Variants in HORMAD2 observed in about 807,000 individuals in gnomAD.
The protein encoded by HORMAD2 is HORMA domain containing 2.
Under a neutral mutation model 38.8 loss-of-function variants are expected in HORMAD2, and 45 were observed. The ratio of observed to expected loss-of-function variants is 1.16; its 90% CI spans 0.91 to 1.49. The LOEUF (loss-of-function observed/expected upper bound fraction) is 1.49. HORMAD2 is among the 40% of genes most tolerant of loss of function. HORMAD2 has a pLI of 0.00. For missense variants in HORMAD2, 338 were observed against 367.0 expected (o/e 0.92, Z 0.65); for synonymous variants, 126 against 122.8 (o/e 1.03, Z -0.17).
At chr22:30,183,057 C>T in the HORMAD2 span, among the ~76,000 whole-genome samples, 1 of 152,172 alleles carries the variant, frequency 6.6e-6, no homozygotes, top group South Asian at 2.1e-4. Context: ...TCTTTCCCTC[C>T]CTTTTAAACA....
intron 10 of HORMAD2, among the ~76,000 whole-genome samples, chr22:30,167,591 G>C (rs1423125655): frequency 6.6e-6 from 1 of 152,136 alleles, no homozygotes; most frequent in Non-Finnish European, 1.5e-5. Context: ...TAAGGTGACT[G>C]TTTTCCACCT....
chr22:30,130,543 G>GC (rs1569102923), intron 10 of HORMAD2, among the ~76,000 whole-genome samples: 1 of 148,560 alleles, frequency 6.7e-6, no homozygotes, highest in Non-Finnish European at 1.5e-5. Flanking sequence ...CATTTAATCT[G>GC]CCCCCCACAC....
chr22:30,188,014 G>A, the HORMAD2 span, among the ~76,000 whole-genome samples: 5 of 152,060 alleles, frequency 3.3e-5, no homozygotes, highest in Admixed American at 2.0e-4. Flanking sequence ...TGGCATGGCT[G>A]CTTTCTCTTT....
chr22:30,121,121 A>G (rs1451726332), intron 8 of HORMAD2, among the ~76,000 whole-genome samples: 1 of 152,226 alleles, frequency 6.6e-6, no homozygotes, highest in Non-Finnish European at 1.5e-5. Context: ...AAATAGTTAG[A>G]TAGCCACTGT....
chr22:30,122,898 T>A (rs556031620), intron 10 of HORMAD2, among the ~76,000 whole-genome samples: 3 of 152,276 alleles, frequency 2.0e-5, no homozygotes, highest in African/African-American at 7.2e-5. Flanking sequence ...TATGACAACA[T>A]TGTGTTAAAA....
At chr22:30,192,554 G>T in the HORMAD2 span, among the ~76,000 whole-genome samples, 1 of 152,050 alleles carries the variant, frequency 6.6e-6, no homozygotes, top group South Asian at 2.1e-4. Flanking sequence ...ACACTTATGC[G>T]AAAACAATAA....
At chr22:30,087,141 G>A (rs928802632) in intron 1 of HORMAD2, among the ~76,000 whole-genome samples, 8 of 152,276 alleles carry the variant, frequency 5.3e-5, no homozygotes, top group Non-Finnish European at 7.4e-5. Flanking sequence ...GATTACAGGC[G>A]TGAGCCACTG....
chr22:30,144,206 G>A lies in HORMAD2; in HGVS notation c.819+21992G>A, dbSNP rs574587531. ...TCCATTATTTTCATCAGTGTCCCAG[G>A]CATATATTACTCTACAGTTTAATCA... On this transcript the variant is annotated intron_variant, in intron 10 of 10. Transcript: ENST00000336726. Among the ~76,000 whole-genome samples, 3 of 152,230 alleles carry A rather than the reference G, an allele frequency of 2.0e-5. No homozygotes were observed. The South Asian group carries it at 6.2e-4, about 32-fold the overall frequency.
intron 1 of HORMAD2, among the ~76,000 whole-genome samples, chr22:30,091,394 T>C (rs550388578): frequency 9.2e-5 from 14 of 151,786 alleles, no homozygotes; most frequent in African/African-American, 3.4e-4. Context: ...GCTTCCCAAG[T>C]AGCTGGGACT....
At chr22:30,089,837 C>G (rs1452602762) in intron 1 of HORMAD2, among the ~76,000 whole-genome samples, 1 of 152,200 alleles carries the variant, frequency 6.6e-6, no homozygotes, top group African/African-American at 2.4e-5. Context: ...CTAAAACCTT[C>G]TCATCATCGT....
downstream of HORMAD2, among the ~76,000 whole-genome samples, chr22:30,180,501 G>A (rs751765457): frequency 2.0e-5 from 3 of 152,144 alleles, no homozygotes; most frequent in Non-Finnish European, 4.4e-5. Context: ...CTTTTAGCAA[G>A]GTAGTGAAGA....
At chr22:30,189,947 C>T in the HORMAD2 span, among the ~76,000 whole-genome samples, 5 of 152,220 alleles carry the variant, frequency 3.3e-5, no homozygotes, top group African/African-American at 1.2e-4. Flanking sequence ...ACCTTTTCTC[C>T]CACAATTAAA....
intron 10 of HORMAD2, among the ~76,000 whole-genome samples, chr22:30,149,629 G>A (rs892768196): frequency 3.3e-5 from 5 of 152,082 alleles, no homozygotes; most frequent in African/African-American, 4.8e-5. Flanking sequence ...ATTTCCTTTC[G>A]CCAACTTCCA....
At chr22:30,161,781 C>A in intron 10 of HORMAD2, among the ~76,000 whole-genome samples, 1 of 151,904 alleles carries the variant, frequency 6.6e-6, no homozygotes, top group Admixed American at 6.6e-5. Context: ...GATTTTTACA[C>A]TAACATTTTT....
At chr22:30,141,895 G>A (rs186173687) in intron 10 of HORMAD2, among the ~76,000 whole-genome samples, 9 of 152,124 alleles carry the variant, frequency 5.9e-5, no homozygotes, top group African/African-American at 1.2e-4. Flanking sequence ...GCGCCCAGCC[G>A]AACATACTTT....
the HORMAD2 span, among the ~76,000 whole-genome samples, chr22:30,204,994 C>G: frequency 6.6e-6 from 1 of 152,106 alleles, no homozygotes; most frequent in African/African-American, 2.4e-5. Flanking sequence ...CCCGGGGTGG[C>G]GGCTCAAACA....
At chr22:30,198,361 C>T in the HORMAD2 span, among the ~76,000 whole-genome samples, 1 of 152,218 alleles carries the variant, frequency 6.6e-6, no homozygotes, top group Non-Finnish European at 1.5e-5. Context: ...AGCAGCCTTG[C>T]TTGTGGCCGG....
At chr22:30,147,730 A>G (rs1924506430) in intron 10 of HORMAD2, among the ~76,000 whole-genome samples, 1 of 152,218 alleles carries the variant, frequency 6.6e-6, no homozygotes, top group South Asian at 2.1e-4. Flanking sequence ...TTGTATTTAG[A>G]CTACATTTAA....
In HORMAD2 at chr22:30,093,976, C is replaced by T; in HGVS notation, c.24C>T (p.His8=). The change falls in exon 2 of 11, where the codon CAC becomes CAT. Residue 8 remains histidine, a synonymous_variant. Coordinates refer to ENST00000336726, the MANE Select transcript of HORMAD2 (RefSeq NM_152510.4). ...CAATGGCCACTGCTCAGCTTTCTCA[C>T]TGCATCACAATACACAAGGCTTCTA... The part of the protein sequence containing the change: MATAQLS[H]CITIHKASKE... The T allele has an allele frequency of 1.2e-6, 2 of 1,608,160 alleles. No individual in the cohort carries two copies. Among genetic ancestry groups the T allele is most frequent in the African/African-American group, 1.3e-5 (1 of 74,898 alleles).
Sources: allele counts gnomAD v4.1 joint callset (sites outside exome capture counted in the v4.1 genomes callset), GRCh38; gene constraint gnomAD v4.1.1; transcripts MANE v1.5; gene names NCBI Gene and HGNC (gene_info 2026-07-23, HGNC 2026-07-21).